The following KHDRBS1 variants were observed in gnomAD, a reference collection of about 807,000 sequenced individuals.
KHDRBS1 encodes KH RNA binding domain containing, signal transduction associated 1, also known as KH domain-containing, RNA-binding, signal transduction-associated protein 1.
In KHDRBS1, 7 loss-of-function variants were observed where a neutral mutation model predicts 48.4. The observed-to-expected ratio is 0.14, with a 90% CI of 0.08 to 0.27. The LOEUF is 0.27. Among genes scored for constraint, KHDRBS1 ranks in the 10% least tolerant of loss-of-function variants. The pLI, the probability that KHDRBS1 is intolerant of heterozygous loss-of-function variation, is 1.00. For missense variants in KHDRBS1, 458 were observed against 601.2 expected (o/e 0.76, Z 2.49); for synonymous variants, 241 against 235.8 (o/e 1.02, Z -0.20).
In KHDRBS1 at chr1:32,033,094, T is replaced by C. The variant is rs1343859567; in HGVS notation, c.625-94T>C. On this transcript the variant is annotated intron_variant, in intron 3 of 8. Coordinates refer to ENST00000327300, the MANE Select transcript of KHDRBS1 (RefSeq NM_006559.3). ...TTAACTTTACTGTTTTTCATGGACA[T>C]TAGGGGTATTTCTTGCTGTTCCTTT... is the stretch of plus-strand genomic sequence containing the variant. The C allele has an allele frequency of 3.4e-6, 3 of 883,044 alleles. No homozygotes were observed. The East Asian group carries it at 7.3e-5, about 21-fold the overall frequency. The allele number at this position is 883,044 out of a possible 1,614,324, so 54.7% of individuals were successfully genotyped here.
downstream of KHDRBS1, among the ~76,000 whole-genome samples, chr1:32,048,381 G>A (rs1351967795): frequency 6.6e-6 from 1 of 152,104 alleles, no homozygotes; most frequent in Non-Finnish European, 1.5e-5. Flanking sequence ...ATGATGGCTT[G>A]CACCTCTTAT....
At chr1:32,029,745 A>G (rs1210834720) in intron 1 of KHDRBS1, among the ~76,000 whole-genome samples, 2 of 152,230 alleles carry the variant, frequency 1.3e-5, no homozygotes, top group Non-Finnish European at 2.9e-5. Context: ...TATATTAAGT[A>G]CTTTATGAAA....
At chr1:32,017,098 AAAT>A (rs933376565) in intron 1 of KHDRBS1, among the ~76,000 whole-genome samples, 1 of 152,078 alleles carries the variant, frequency 6.6e-6, no homozygotes, top group Non-Finnish European at 1.5e-5. Flanking sequence ...TCTCTACCAA[AAAT>A]ACAAAAATTA....
chr1:32,013,957 G>T lies in KHDRBS1; in HGVS notation c.-39G>T. On this transcript the variant is annotated 5_prime_UTR_variant, in exon 1 of 9. Coordinates refer to ENST00000327300, the MANE Select transcript of KHDRBS1 (RefSeq NM_006559.3). Reference sequence around the variant, plus strand: ...CGCCGCTCGGGCCTCCGTCGCTGCCGCGTCGCTTTCTCGCTCCTTGGATCG... The same window carrying T: ...CGCCGCTCGGGCCTCCGTCGCTGCCTCGTCGCTTTCTCGCTCCTTGGATCG... 7.1e-7 allele frequency: 1 copy of T among 1,416,786 alleles called. No homozygotes were observed. The highest frequency in any genetic ancestry group is 9.2e-7 in the Non-Finnish European group (1 of 1,089,396). The allele number at this position is 1,416,786 out of a possible 1,614,324, so 87.8% of individuals were successfully genotyped here.
At chr1:32,017,740 T>C (rs1443294336) in intron 1 of KHDRBS1, among the ~76,000 whole-genome samples, 4 of 151,512 alleles carry the variant, frequency 2.6e-5, no homozygotes, top group African/African-American at 7.3e-5. Context: ...CCCTGGTAGC[T>C]GGGATTATAG....
intron 1 of KHDRBS1, among the ~76,000 whole-genome samples, chr1:32,021,599 G>A (rs1412736306): frequency 6.6e-6 from 1 of 151,962 alleles, no homozygotes; most frequent in African/African-American, 2.4e-5. Context: ...GGAAGTTGAG[G>A]GTGTTAACCA....
intron 1 of KHDRBS1, among the ~76,000 whole-genome samples, chr1:32,016,435 C>G (rs186750317): frequency 1.1e-4 from 16 of 152,128 alleles, no homozygotes; most frequent in Admixed American, 9.2e-4. Context: ...CGTTCCCTCA[C>G]TATAGTGCCT....
At position 32,036,275 on chromosome 1, in the gene KHDRBS1, C is replaced by G. The variant is rs950346162; in HGVS notation, c.772-635C>G. Among the ~76,000 whole-genome samples, 184 of 149,894 alleles carry G rather than the reference C, an allele frequency of 1.2e-3. 3 individuals carry two copies. The highest frequency in any genetic ancestry group is 4.0e-4 in the East Asian group (2 of 5,038). ...CAAGCTCCGCCTCCCGGGTTCTCGCCATTCTCCTGCCTCAGCCTTCCGAGT... is the reference window on the plus strand; with the variant it reads ...CAAGCTCCGCCTCCCGGGTTCTCGCGATTCTCCTGCCTCAGCCTTCCGAGT... On this transcript the variant is annotated intron_variant, in intron 4 of 8. Coordinates refer to ENST00000327300, the MANE Select transcript of KHDRBS1 (RefSeq NM_006559.3).
chr1:32,038,649 T>G (rs1288742886), intron 7 of KHDRBS1, 30 bp downstream of exon 7: 1 of 1,604,706 alleles, frequency 6.2e-7, no homozygotes, highest in East Asian at 2.2e-5. Flanking sequence ...CACTGTTTTT[T>G]GTCCTGAGGA....
chr1:32,042,466 C>A (rs1639297470), intron 8 of KHDRBS1, 61 bp from the exon 9 acceptor site: 1 of 1,073,972 alleles, frequency 9.3e-7, no homozygotes, highest in African/African-American at 1.6e-5. Flanking sequence ...GTGACCTATC[C>A]CTGCTTATCC....
rs1193525751 is a variant in KHDRBS1, at chr1:32,037,830, T to G, written c.906-5T>G. ...CTCCATTTAAGATAAACTTTCATTT[T>G]GTAGGGGCCGTGGTGTTGGACCACC... On this transcript the variant is annotated splice_region_variant and splice_polypyrimidine_tract_variant and intron_variant, in intron 5 of 8. Coordinates refer to ENST00000327300, the MANE Select transcript of KHDRBS1 (RefSeq NM_006559.3). The G allele has an allele frequency of 6.2e-7, 1 of 1,609,778 alleles. No individual in the cohort carries two copies. The highest frequency in any genetic ancestry group is 8.5e-7 in the Non-Finnish European group (1 of 1,176,466).
intron 10 of KHDRBS1, among the ~76,000 whole-genome samples, chr1:32,054,708 C>T (rs544169568): frequency 5.3e-5 from 8 of 152,252 alleles, no homozygotes; most frequent in Non-Finnish European, 1.0e-4. Flanking sequence ...GCCTATGGCC[C>T]GGGACGGCTT....
chr1:32,048,219 T>C (rs1639378106), downstream of KHDRBS1, among the ~76,000 whole-genome samples: 1 of 152,146 alleles, frequency 6.6e-6, no homozygotes, highest in Admixed American at 6.6e-5. Flanking sequence ...TCTCTAAAAA[T>C]TTTCTTGGCT....
At position 32,013,963 on chromosome 1, in the gene KHDRBS1, C is replaced by G. The variant is rs746579121; in HGVS notation, c.-33C>G. ...TCGGGCCTCCGTCGCTGCCGCGTCG[C>G]TTTCTCGCTCCTTGGATCGCACATC... On this transcript the variant is annotated 5_prime_UTR_variant, in exon 1 of 9. Transcript: ENST00000327300. The G allele has an allele frequency of 3.5e-6, 5 of 1,436,144 alleles. No homozygotes were observed. The highest frequency in any genetic ancestry group is 3.6e-6 in the Non-Finnish European group (4 of 1,100,762). 89.0% of individuals were successfully genotyped at this position (1,436,144 alleles called of 1,614,324 possible). A position where few individuals can be genotyped will look rare whatever the true frequency, so the allele number is the denominator to read the frequency against.
At chr1:32,038,214 GT>G in intron 6 of KHDRBS1, 178 bp downstream of exon 6, 1 of 955,878 alleles carries the variant, frequency 1.0e-6, no homozygotes, top group Non-Finnish European at 1.5e-6. Flanking sequence ...TTTAGGCAGG[GT>G]TTTACTATAC....
At chr1:32,015,705 AG>A (rs1220120124) in intron 1 of KHDRBS1, among the ~76,000 whole-genome samples, 2 of 152,114 alleles carry the variant, frequency 1.3e-5, no homozygotes, top group Non-Finnish European at 2.9e-5. Context: ...AATGTGATTG[AG>A]GTTACTGTTG....
chr1:32,018,082 A>G lies in KHDRBS1; in HGVS notation c.382+3705A>G, dbSNP rs116304794. Among the ~76,000 whole-genome samples, 836 of 152,352 alleles carry G rather than the reference A, an allele frequency of 5.5e-3. 9 individuals are homozygous for G. The highest frequency in any genetic ancestry group is 0.019 in the African/African-American group (804 of 41,578). Reference sequence around the variant, plus strand: ...AGTCTGTTGAAACTTCAAAATAGTTAATTCCTTTATTTACAGTATTCTCTA... The same window carrying G: ...AGTCTGTTGAAACTTCAAAATAGTTGATTCCTTTATTTACAGTATTCTCTA... On this transcript the variant is annotated intron_variant, in intron 1 of 8. Transcript: ENST00000327300.
chr1:32,059,936 G>A (rs973702153), intron 10 of KHDRBS1, among the ~76,000 whole-genome samples: 6 of 152,152 alleles, frequency 3.9e-5, no homozygotes, highest in Non-Finnish European at 7.3e-5. Context: ...GATATTGAGC[G>A]TGAGACTGCA....
chr1:32,030,142 A>G lies in KHDRBS1; in HGVS notation c.383-156A>G, dbSNP rs755495595. Among the ~76,000 whole-genome samples the G allele has an allele frequency of 2.6e-4, 40 of 152,194 alleles. 1 individual carries two copies. The highest frequency in any genetic ancestry group is 3.8e-4 in the Non-Finnish European group (26 of 68,032). ...CTTTGGGCTTTCTAGTCAACTTCAT[A>G]TAGCTTTAGTGCTTTCAGCTAGTTT... On this transcript the variant is annotated intron_variant, in intron 1 of 8. Coordinates refer to ENST00000327300, the MANE Select transcript of KHDRBS1 (RefSeq NM_006559.3).
Sources: allele counts gnomAD v4.1 joint callset (sites outside exome capture counted in the v4.1 genomes callset), GRCh38; gene constraint gnomAD v4.1.1; transcripts MANE v1.5; gene names NCBI Gene and HGNC (gene_info 2026-07-23, HGNC 2026-07-21).